Variants in KCNIP4 observed in about 807,000 individuals in gnomAD.
The protein encoded by KCNIP4 is Kv channel-interacting protein 4.
A neutral mutation model predicts 34.0 loss-of-function variants in KCNIP4; 12 were observed. The ratio of observed to expected loss-of-function variants is 0.35; its 90% confidence interval spans 0.23 to 0.57. KCNIP4 has a LOEUF of 0.57. Among genes scored for constraint, KCNIP4 ranks in the 20% least tolerant of loss-of-function variants. The pLI is 0.83. For synonymous variants in KCNIP4, 124 were observed against 102.2 expected, an observed-to-expected ratio of 1.21 and a Z score of -1.29; for missense variants, 238 against 311.7, an observed-to-expected ratio of 0.76 and a Z score of 1.78.
At chr4:20,936,859 A>G (rs1419632536) in intron 1 of KCNIP4, among the ~76,000 whole-genome samples, 1 of 152,182 alleles carries the variant, frequency 6.6e-6, no homozygotes, top group African/African-American at 2.4e-5. Context: ...GTTATTAAAG[A>G]CAGAGTGCAG....
intron 1 of KCNIP4, among the ~76,000 whole-genome samples, chr4:21,752,473 C>T (rs555455087): frequency 7.9e-5 from 12 of 152,024 alleles, no homozygotes; most frequent in African/African-American, 2.2e-4. Context: ...ACACTACCCC[C>T]GTAATCCAAC....
intron 1 of KCNIP4, among the ~76,000 whole-genome samples, chr4:21,072,783 A>G (rs1455020616): frequency 6.6e-6 from 1 of 152,168 alleles, no homozygotes; most frequent in Non-Finnish European, 1.5e-5. Context: ...TTTTGGGTCT[A>G]ACATGTAAGT....
intron 1 of KCNIP4, among the ~76,000 whole-genome samples, chr4:20,896,989 A>C (rs1369315613): frequency 6.6e-6 from 1 of 151,870 alleles, no homozygotes; most frequent in Non-Finnish European, 1.5e-5. Flanking sequence ...TTAGTCCACC[A>C]CACACTACCA....
At position 21,764,769 on chromosome 4, in the gene KCNIP4, G is replaced by T. The variant is rs543456849; in HGVS notation, c.61+183802C>A. Among the ~76,000 whole-genome samples, 7 of 151,934 alleles carry T rather than the reference G, an allele frequency of 4.6e-5. No homozygotes were observed. The East Asian group carries it at 1.4e-3, about 29-fold the overall frequency. On this transcript the variant is annotated intron_variant, in intron 1 of 8. Coordinates refer to ENST00000382152, the MANE Select transcript of KCNIP4 (RefSeq NM_025221.6). ...GGGACCTACTTCCCTGTCCTTTTTTGCTTGTCTGCTATCCTTTGTGCTCCT... is the reference window on the plus strand; with the variant it reads ...GGGACCTACTTCCCTGTCCTTTTTTTCTTGTCTGCTATCCTTTGTGCTCCT...
chr4:20,878,060 A>T (rs2149518769), intron 2 of KCNIP4, among the ~76,000 whole-genome samples: 1 of 152,138 alleles, frequency 6.6e-6, no homozygotes, highest in African/African-American at 2.4e-5. Context: ...ATCAGAGGTC[A>T]TCAGTGGAGC....
intron 1 of KCNIP4, among the ~76,000 whole-genome samples, chr4:21,215,036 C>A: frequency 6.6e-6 from 1 of 152,176 alleles, no homozygotes; most frequent in East Asian, 2.0e-4. Context: ...TCTACTGAAT[C>A]GTAACAGCAC....
chr4:21,170,597 A>C (rs1050900870), intron 1 of KCNIP4, among the ~76,000 whole-genome samples: 2 of 152,188 alleles, frequency 1.3e-5, no homozygotes, highest in African/African-American at 4.8e-5. Context: ...AAGCAATATC[A>C]TAATAAATGT....
rs199967407 is a variant in KCNIP4, at chr4:21,379,118, AC to A, written c.62-496410del. On this transcript the variant is annotated intron_variant, in intron 1 of 8. Coordinates refer to ENST00000382152, the MANE Select transcript of KCNIP4 (RefSeq NM_025221.6). ...TTCTACTCTAGTGTATTATTATGTT[AC>A]ATCTTATTTTTGGTGTTCTACATTA... is the stretch of plus-strand genomic sequence containing the variant. Among the ~76,000 whole-genome samples, 724 of 152,300 alleles carry A rather than the reference AC, an allele frequency of 4.8e-3. 6 individuals are homozygous for A. Among genetic ancestry groups the A allele is most frequent in the African/African-American group, 0.016 (675 of 41,576 alleles).
At chr4:20,837,978 C>A (rs948580734) in intron 3 of KCNIP4, among the ~76,000 whole-genome samples, 1 of 151,834 alleles carries the variant, frequency 6.6e-6, no homozygotes, top group Non-Finnish European at 1.5e-5. Flanking sequence ...GCATGAGACA[C>A]CACGCCCGGC....
At chr4:20,765,787 A>G (rs1250948787) in intron 3 of KCNIP4, among the ~76,000 whole-genome samples, 2 of 152,164 alleles carry the variant, frequency 1.3e-5, no homozygotes, top group Non-Finnish European at 2.9e-5. Flanking sequence ...TTTTCTTTGC[A>G]ATATAACTGC....
intron 1 of KCNIP4, among the ~76,000 whole-genome samples, chr4:21,743,696 T>A (rs1268347655): frequency 6.6e-6 from 1 of 151,538 alleles, no homozygotes; most frequent in Non-Finnish European, 1.5e-5. Context: ...ATATCACTTT[T>A]AAAAATATTA....
At chr4:21,795,495 G>T (rs73256552) in intron 1 of KCNIP4, among the ~76,000 whole-genome samples, 52,594 of 151,998 alleles carry the variant, frequency 0.35, 10,778 homozygotes, top group Non-Finnish European at 0.48. Flanking sequence ...TATAGAATCT[G>T]ACTTTTCAGA....
intron 1 of KCNIP4, among the ~76,000 whole-genome samples, chr4:21,694,975 A>C (rs1327672973): frequency 6.6e-6 from 1 of 151,442 alleles, no homozygotes; most frequent in Non-Finnish European, 1.5e-5. Context: ...AAAAAGAAAA[A>C]AAATCACCCA....
intron 1 of KCNIP4, among the ~76,000 whole-genome samples, chr4:21,359,245 C>A (rs961400722): frequency 3.9e-5 from 6 of 151,984 alleles, no homozygotes; most frequent in African/African-American, 1.4e-4. Context: ...TGGGAAATTT[C>A]TTCTCATCTT....
chr4:21,528,071 G>A (rs1375516187), intron 1 of KCNIP4, among the ~76,000 whole-genome samples: 1 of 152,076 alleles, frequency 6.6e-6, no homozygotes, highest in African/African-American at 2.4e-5. Context: ...CGAGTTCTAA[G>A]GATTAATTTT....
chr4:21,537,906 G>A (rs946105664), intron 1 of KCNIP4, among the ~76,000 whole-genome samples: 13 of 150,746 alleles, frequency 8.6e-5, no homozygotes, highest in African/African-American at 3.2e-4. Flanking sequence ...CAGCTACTCG[G>A]GAGGCTGAGT....
intron 1 of KCNIP4, among the ~76,000 whole-genome samples, chr4:21,279,528 T>C (rs200284133): frequency 4.6e-5 from 4 of 86,658 alleles, no homozygotes; most frequent in African/African-American, 1.1e-4. Flanking sequence ...CACACACACA[T>C]ATATATATGC....
chr4:21,418,979 TAGAG>T (rs1284435948), intron 1 of KCNIP4, among the ~76,000 whole-genome samples: 1 of 152,200 alleles, frequency 6.6e-6, no homozygotes, highest in Non-Finnish European at 1.5e-5. Flanking sequence ...AGTCAAGGAA[TAGAG>T]AAAGTATGTA....
rs1369489553 is a variant in KCNIP4, at chr4:21,456,119, T to A, written c.61+492452A>T. Among the ~76,000 whole-genome samples the A allele has an allele frequency of 2.0e-5, 3 of 147,092 alleles. No individual in the cohort carries two copies. The East Asian group carries it at 5.9e-4, about 29-fold the overall frequency. ...AATAATGGCTGAAGAATTTCTTCTA[T>A]GTCTTCTCTGGGCAAAGCATTTGCT... On this transcript the variant is annotated intron_variant, in intron 1 of 8. Coordinates refer to ENST00000382152, the MANE Select transcript of KCNIP4 (RefSeq NM_025221.6).
Sources: gnomAD v4.1 joint callset for allele counts (sites outside exome capture counted in the v4.1 genomes callset) on GRCh38, gnomAD v4.1.1 for gene constraint, MANE v1.5 for transcripts, NCBI Gene and HGNC (gene_info 2026-07-23, HGNC 2026-07-21) for gene names.